The following TFCP2L1 variants were observed in gnomAD, a reference collection of about 807,000 sequenced individuals.
TFCP2L1 encodes transcription factor CP2-like protein 1.
A neutral mutation model predicts 72.2 loss-of-function variants in TFCP2L1; 12 were observed. The observed-to-expected ratio is 0.17, with a 90% CI of 0.11 to 0.27. TFCP2L1 has a LOEUF of 0.27. TFCP2L1 is among the 10% of genes least tolerant of loss of function. The pLI is 1.00. For synonymous variants in TFCP2L1, 260 were observed against 251.0 expected, an observed-to-expected ratio of 1.04 and a Z score of -0.34; for missense variants, 488 against 624.6, an observed-to-expected ratio of 0.78 and a Z score of 2.33.
rs1685882723 is a variant in TFCP2L1 at position 121,219,030 on chromosome 2, C to A, written c.*5311G>T. 6.6e-6 allele frequency: 1 copy of A among 152,328 alleles called. No homozygotes were observed. The highest frequency in any genetic ancestry group is 1.9e-4 in the East Asian group (1 of 5,190). 9.4% of individuals were successfully genotyped at this position (152,328 alleles called of 1,614,324 possible). On this transcript the variant is annotated 3_prime_UTR_variant, in exon 15 of 15. Transcript: ENST00000263707. ...GGGTACAAACATTTCCTACCTGCAA[C>A]CCTGGACCGGTAAGATGACACAGAG...
At chr2:121,246,723 G>A in intron 6 of TFCP2L1, 95 bp downstream of exon 6, 1 of 1,509,208 alleles carries the variant, frequency 6.6e-7, no homozygotes, top group Non-Finnish European at 9.1e-7. Flanking sequence ...TTCCTCGCTG[G>A]GCCTGTAAGA....
intron 2 of TFCP2L1, 78 bp downstream of exon 2, chr2:121,281,042 C>G: frequency 6.3e-7 from 1 of 1,588,140 alleles, no homozygotes; most frequent in Non-Finnish European, 8.6e-7. Flanking sequence ...AACAAAGTCA[C>G]AAGGCCCAAA....
intron 6 of TFCP2L1, among the ~76,000 whole-genome samples, chr2:121,243,089 G>A (rs1020022185): frequency 6.6e-6 from 1 of 152,234 alleles, no homozygotes; most frequent in Non-Finnish European, 1.5e-5. Context: ...CCAAGTGAGA[G>A]TGGCCAAGTG....
chr2:121,276,812 G>GA (rs1159488007), intron 2 of TFCP2L1, among the ~76,000 whole-genome samples: 42 of 151,828 alleles, frequency 2.8e-4, no homozygotes, highest in Non-Finnish European at 2.9e-5. Context: ...ACCTCTAAAT[G>GA]AAATTCAGAA....
rs1685872221 is a variant in TFCP2L1 at position 121,218,444 on chromosome 2, A to C, written c.*5897T>G. On this transcript the variant is annotated 3_prime_UTR_variant, in exon 15 of 15. Transcript: ENST00000263707. ...GTCACACACCGGTAAGTGCTGATAC[A>C]GGATGAGGGGTGCGGAGCTGAGGAT... is the stretch of plus-strand genomic sequence containing the variant. 1 of 152,280 alleles carries C rather than the reference A, an allele frequency of 6.6e-6. No homozygotes were observed. The highest frequency in any genetic ancestry group is 2.4e-5 in the African/African-American group (1 of 41,452). 9.4% of individuals were successfully genotyped at this position (152,280 alleles called of 1,614,324 possible).
At chr2:121,248,883 AACGCCT>A in intron 4 of TFCP2L1, 93 bp downstream of exon 4, 1 of 945,708 alleles carries the variant, frequency 1.1e-6, no homozygotes, top group South Asian at 1.9e-5. Flanking sequence ...TGCAAGCTAA[AACGCCT>A]TCTCGGCATA....
chr2:121,275,261 GTAGTCGC>G (rs1343418737), intron 2 of TFCP2L1, among the ~76,000 whole-genome samples: 3 of 7,308 alleles, frequency 4.1e-4, no homozygotes, highest in African/African-American at 3.4e-3. Context: ...GCGGGCGCCT[GTAGTCGC>G]GGCGCCTGTA....
rs1443416099 is a variant in TFCP2L1 at position 121,220,954 on chromosome 2, C to T, written c.*3387G>A. The T allele has an allele frequency of 1.3e-5, 2 of 152,194 alleles. No individual in the cohort carries two copies. Among genetic ancestry groups the T allele is most frequent in the African/African-American group, 4.8e-5 (2 of 41,444 alleles). 9.4% of individuals were successfully genotyped at this position (152,194 alleles called of 1,614,324 possible). A position where few individuals can be genotyped will look rare whatever the true frequency, so the allele number is the denominator to read the frequency against. On this transcript the variant is annotated 3_prime_UTR_variant, in exon 15 of 15. Transcript: ENST00000263707. ...AATGGAAGACTCTACTAATAGCACACTTAAGGTAACAGACTTTTATTACAT... is the reference window on the plus strand; with the variant it reads ...AATGGAAGACTCTACTAATAGCACATTTAAGGTAACAGACTTTTATTACAT...
intron 5 of TFCP2L1, 52 bp downstream of exon 5, chr2:121,248,112 G>A (rs1465313946): frequency 6.5e-7 from 1 of 1,535,040 alleles, no homozygotes; most frequent in Middle Eastern, 1.7e-4. Context: ...CTGCACGCAG[G>A]CCACCCCAAA....
intron 5 of TFCP2L1, among the ~76,000 whole-genome samples, chr2:121,247,647 G>A: frequency 6.6e-6 from 1 of 151,988 alleles, no homozygotes; most frequent in Non-Finnish European, 1.5e-5. Context: ...TGATTTGTAA[G>A]ATGGGAGGTT....
At chr2:121,263,953 A>C (rs1443944417) in intron 2 of TFCP2L1, among the ~76,000 whole-genome samples, 1 of 151,670 alleles carries the variant, frequency 6.6e-6, no homozygotes, top group Non-Finnish European at 1.5e-5. Context: ...TGAAAACATG[A>C]AGAAAAAAGA....
Position 121,269,907 on chromosome 2 carries a change from T to TCAAAAAAAAAAAAAAAAAAA in TFCP2L1, c.214+11212_214+11213insTTTTTTTTTTTTTTTTTTTG, listed in dbSNP as rs750107740. Among the ~76,000 whole-genome samples the TCAAAAAAAAAAAAAAAAAAA allele has an allele frequency of 6.1e-4, 47 of 77,288 alleles. 2 individuals are homozygous for TCAAAAAAAAAAAAAAAAAAA. Among genetic ancestry groups the TCAAAAAAAAAAAAAAAAAAA allele is most frequent in the African/African-American group, 2.7e-3 (39 of 14,630 alleles). The allele number at this position is 77,288 out of a possible 152,430, so 50.7% of individuals were successfully genotyped here. On this transcript the variant is annotated intron_variant, in intron 2 of 14. Coordinates refer to ENST00000263707, the MANE Select transcript of TFCP2L1 (RefSeq NM_014553.3). Reference sequence around the variant, plus strand: ...CTGGGTGACAGAGCAAGACTCCATCTAAAAAAAAAAAATATATATATATAT... The same window carrying TCAAAAAAAAAAAAAAAAAAA: ...CTGGGTGACAGAGCAAGACTCCATCTCAAAAAAAAAAAAAAAAAAAAAAAAAAAAAAATATATATATATAT...
Position 121,263,455 on chromosome 2 carries a change from C to CT in TFCP2L1, c.215-13809dup, listed in dbSNP as rs1686863967. On this transcript the variant is annotated intron_variant, in intron 2 of 14. Coordinates refer to ENST00000263707, the MANE Select transcript of TFCP2L1 (RefSeq NM_014553.3). ...AAGAAAAATGAGCAATGGATATCAA[C>CT]TGTCTGTTTTTGGCAAAAAAAAAAA... Among the ~76,000 whole-genome samples, 3 of 107,930 alleles carry CT rather than the reference C, an allele frequency of 2.8e-5. No individual in the cohort carries two copies. In the South Asian group the frequency reaches 9.0e-4, roughly 32 times the overall value. 70.8% of individuals were successfully genotyped at this position (107,930 alleles called of 152,430 possible).
At chr2:121,273,786 G>T (rs1687091542) in intron 2 of TFCP2L1, among the ~76,000 whole-genome samples, 1 of 152,174 alleles carries the variant, frequency 6.6e-6, no homozygotes, top group East Asian at 1.9e-4. Flanking sequence ...TTAATAGCAG[G>T]CTTTTCAATT....
intron 14 of TFCP2L1, 28 bp downstream of exon 14, chr2:121,225,534 C>T: frequency 6.2e-7 from 1 of 1,613,192 alleles, no homozygotes; most frequent in Non-Finnish European, 8.5e-7. Context: ...GCCCCCACAA[C>T]TACCCTAGGG....
At chr2:121,225,336 A>T (rs1480135604) in intron 14 of TFCP2L1, among the ~76,000 whole-genome samples, 1 of 152,214 alleles carries the variant, frequency 6.6e-6, no homozygotes, top group Non-Finnish European at 1.5e-5. Context: ...CACTGAGTTC[A>T]TAGAAAACAA....
intron 2 of TFCP2L1, among the ~76,000 whole-genome samples, chr2:121,269,626 A>G (rs1687003449): frequency 6.6e-6 from 1 of 151,724 alleles, no homozygotes; most frequent in Non-Finnish European, 1.5e-5. Context: ...AAATTATGTA[A>G]AAGAGGCCGG....
chr2:121,254,854 G>C (rs570109260), intron 2 of TFCP2L1, among the ~76,000 whole-genome samples: 1 of 151,930 alleles, frequency 6.6e-6, no homozygotes, highest in Admixed American at 6.5e-5. Flanking sequence ...GCCAGGCAGA[G>C]GGGGAGGAGT....
At chr2:121,282,489 T>C (rs1433584359) in intron 1 of TFCP2L1, among the ~76,000 whole-genome samples, 2 of 149,166 alleles carry the variant, frequency 1.3e-5, no homozygotes, top group Non-Finnish European at 3.0e-5. Flanking sequence ...GAGATCAGCC[T>C]GGGCACCATA....
Sources: allele counts gnomAD v4.1 joint callset (sites outside exome capture counted in the v4.1 genomes callset), GRCh38; gene constraint gnomAD v4.1.1; transcripts MANE v1.5; gene names NCBI Gene and HGNC (gene_info 2026-07-23, HGNC 2026-07-21).